The following MADD variants were observed in gnomAD, a reference collection of about 807,000 sequenced individuals.
MADD encodes the protein MAP kinase-activating death domain protein.
In MADD, 109 loss-of-function variants were observed where a neutral mutation model predicts 176.7. The ratio of observed to expected loss-of-function variants is 0.62; its 90% CI spans 0.53 to 0.72. The LOEUF is 0.72. Ranked by LOEUF, MADD falls within the 30% of genes least tolerant of loss-of-function variation. The probability of loss-of-function intolerance (pLI) is 0.00; values close to 1 mark genes in which losing one functional copy is unlikely to be tolerated. For synonymous variants in MADD, 771 were observed against 771.3 expected, an observed-to-expected ratio of 1.00 and a Z score of 0.01; for missense variants, 1,914 against 2,045.5, an observed-to-expected ratio of 0.94 and a Z score of 1.24.
chr11:47,278,842 CAT>C (rs1256312716), intron 6 of MADD, among the ~76,000 whole-genome samples, 155 bp from the exon 7 acceptor site: 5 of 152,190 alleles, frequency 3.3e-5, no homozygotes, highest in African/African-American at 7.2e-5. Context: ...ATATGTATGT[CAT>C]ATATGTGTGT....
At chr11:47,301,210 T>A (rs2077526428) in intron 22 of MADD, among the ~76,000 whole-genome samples, 1 of 152,150 alleles carries the variant, frequency 6.6e-6, no homozygotes, top group African/African-American at 2.4e-5. Flanking sequence ...CCTCCCAGGT[T>A]CAAGTGATTC....
chr11:47,286,269 T>A (rs1393523444), intron 14 of MADD, among the ~76,000 whole-genome samples, 164 bp from the exon 15 acceptor site: 1 of 152,184 alleles, frequency 6.6e-6, no homozygotes, highest in Non-Finnish European at 1.5e-5. Flanking sequence ...ATTGTTTGCC[T>A]GGAGTTAGAC....
intron 7 of MADD, among the ~76,000 whole-genome samples, chr11:47,279,473 C>T (rs959861965): frequency 1.3e-5 from 2 of 150,850 alleles, no homozygotes; most frequent in Non-Finnish European, 2.9e-5. Flanking sequence ...CAAGCTCTGC[C>T]TTCTGAGTTC....
intron 28 of MADD, 114 bp downstream of exon 31, chr11:47,323,949 C>T: frequency 8.3e-7 from 1 of 1,209,960 alleles, no homozygotes; most frequent in Non-Finnish European, 1.2e-6. Flanking sequence ...ACTTCTGTCT[C>T]CAGCTGTTGG....
At chr11:47,308,665 G>C (rs751658978) in exon 23 of MADD, 2 of 1,613,928 alleles carry the variant, frequency 1.2e-6, no homozygotes, top group African/African-American at 2.7e-5. Context: ...CTGAAGATGT[G>C]AGCCAGCGAG....
chr11:47,279,740 A>G (rs1734485300), intron 7 of MADD, among the ~76,000 whole-genome samples: 1 of 151,538 alleles, frequency 6.6e-6, no homozygotes, highest in Non-Finnish European at 1.5e-5. Flanking sequence ...CTTTTATATT[A>G]TCTTCTAGAG....
chr11:47,287,303 CAGAGCAAG>C (rs2061405750), intron 15 of MADD, among the ~76,000 whole-genome samples: 1 of 152,162 alleles, frequency 6.6e-6, no homozygotes, highest in African/African-American at 2.4e-5. Flanking sequence ...GCCTGGGTGA[CAGAGCAAG>C]ACTCCGTCTT....
chr11:47,274,149 G>T (rs959129828), intron 2 of MADD, among the ~76,000 whole-genome samples, 173 bp downstream of exon 2: 6 of 152,212 alleles, frequency 3.9e-5, no homozygotes, highest in Non-Finnish European at 5.9e-5. Flanking sequence ...TGGATTGAAA[G>T]CAAAACCCTG....
At chr11:47,308,908 C>T (rs2085500825) in intron 23 of MADD, 72 bp from the exon 26 acceptor site, 20 of 1,433,292 alleles carry the variant, frequency 1.4e-5, no homozygotes, top group African/African-American at 2.8e-5. Context: ...TGTTAATCAA[C>T]AGCCTTTGCC....
chr11:47,306,647 G>A (rs181212884), intron 22 of MADD, among the ~76,000 whole-genome samples: 2 of 151,950 alleles, frequency 1.3e-5, no homozygotes, highest in African/African-American at 4.8e-5. Context: ...AGGGGGATGG[G>A]GGGGAGGCCT....
intron 20 of MADD, 54 bp downstream of exon 22, chr11:47,294,037 A>G (rs1472371160): frequency 1.5e-6 from 2 of 1,378,936 alleles, no homozygotes; most frequent in African/African-American, 1.4e-5. Context: ...GTCTCAGAAT[A>G]CTTCTTTAAG....
chr11:47,314,408 C>A (rs1273571434), intron 26 of MADD, among the ~76,000 whole-genome samples: 1 of 152,086 alleles, frequency 6.6e-6, no homozygotes, highest in Non-Finnish European at 1.5e-5. Context: ...GTAAAATGTT[C>A]ATTGATGTGC....
chr11:47,315,825 C>A (rs2092668687), intron 27 of MADD, among the ~76,000 whole-genome samples: 1 of 138,272 alleles, frequency 7.2e-6, no homozygotes, highest in African/African-American at 2.8e-5. Flanking sequence ...GTAGATGATA[C>A]CCATTTCTTT....
chr11:47,304,278 T>C (rs1032206226), intron 22 of MADD, among the ~76,000 whole-genome samples: 9 of 151,768 alleles, frequency 5.9e-5, no homozygotes, highest in Non-Finnish European at 1.2e-4. Context: ...TTGCCTAGGC[T>C]GGAATGCAAT....
chr11:47,305,072 A>G (rs1165605880), intron 22 of MADD, among the ~76,000 whole-genome samples: 2 of 152,120 alleles, frequency 1.3e-5, no homozygotes, highest in East Asian at 3.8e-4. Context: ...TGGCAGTGGC[A>G]GTGGTGGTAT....
chr11:47,294,038 C>A, intron 20 of MADD, 55 bp downstream of exon 22: 1 of 1,365,266 alleles, frequency 7.3e-7, no homozygotes, highest in Non-Finnish European at 1.0e-6. Flanking sequence ...TCTCAGAATA[C>A]TTCTTTAAGT....
Position 47,285,055 on chromosome 11 carries a change from A to G in MADD, c.2272A>G (p.Ile758Val), listed in dbSNP as rs1321366725. 3 of 1,613,972 alleles carry G rather than the reference A, an allele frequency of 1.9e-6. No homozygotes were observed. The highest frequency in any genetic ancestry group is 2.5e-6 in the Non-Finnish European group (3 of 1,180,024). ...GAACGTGGACAGACGTCAGGCAGAA[A>G]TTGGAGAGGGGTCAGTGCGCCGGCG... Residue 758 changes from isoleucine (I) to valine (V), a missense_variant, in exon 13 of 33, where the codon ATT becomes GTT. Coordinates refer to ENST00000402192, the Ensembl canonical transcript of MADD.
Position 47,276,767 on chromosome 11 carries a change from C to T in MADD, c.999C>T (p.Ser333=). 6.2e-7 allele frequency: 1 copy of T among 1,614,178 alleles called. No homozygotes were observed. The highest frequency in any genetic ancestry group is 8.5e-7 in the Non-Finnish European group (1 of 1,180,032). ...AGTCCCGAGACTACAATGCACTCTC[C>T]ATGTCTGTGATGGCATTCGTGGCAA... Residue 333 remains serine, a synonymous_variant, in exon 5 of 33, where the codon TCC becomes TCT. Coordinates refer to ENST00000402192, the Ensembl canonical transcript of MADD.
chr11:47,329,717 T>C lies in MADD; in HGVS notation c.*567T>C, dbSNP rs532185246. The C allele has an allele frequency of 7.1e-5, 11 of 155,948 alleles. No individual in the cohort carries two copies. The South Asian group carries it at 2.1e-3, about 30-fold the overall frequency. 9.7% of individuals were successfully genotyped at this position (155,948 alleles called of 1,614,324 possible). ...AGGGCCCGCAGTGTTGGCTGCTGCC[T>C]GCCACAGCCTCTGTGACTGCAGTGG... On this transcript the variant is annotated 3_prime_UTR_variant, in exon 33 of 33. Transcript: ENST00000402192.
Sources: allele counts gnomAD v4.1 joint callset (sites outside exome capture counted in the v4.1 genomes callset), GRCh38; gene constraint gnomAD v4.1.1; transcripts MANE v1.5; gene names NCBI Gene and HGNC (gene_info 2026-07-23, HGNC 2026-07-21).